The following F13A1 variants were observed in gnomAD, a reference collection of about 807,000 sequenced individuals.
F13A1 encodes the protein FSF, A subunit.
Under a neutral mutation model 80.1 loss-of-function variants are expected in F13A1, and 47 were observed. The ratio of observed to expected loss-of-function variants is 0.59; its 90% CI spans 0.46 to 0.75. F13A1 has a LOEUF of 0.75. Ranked by LOEUF, F13A1 falls within the 30% of genes least tolerant of loss-of-function variation. F13A1 has a pLI of 0.00. For synonymous variants in F13A1, 349 were observed against 344.9 expected (o/e 1.01, Z -0.13); for missense variants, 817 against 930.4 (o/e 0.88, Z 1.59).
intron 3 of F13A1, among the ~76,000 whole-genome samples, chr6:6,282,228 A>G (rs939882351): frequency 6.6e-6 from 1 of 152,154 alleles, no homozygotes; most frequent in African/African-American, 2.4e-5. Context: ...TTCTCCTTAG[A>G]TAAATGGTTA....
chr6:6,288,477 C>T (rs1420609804), intron 3 of F13A1, among the ~76,000 whole-genome samples: 1 of 152,172 alleles, frequency 6.6e-6, no homozygotes, highest in Non-Finnish European at 1.5e-5. Context: ...TCCAGTTCTA[C>T]CCTTGTTGAG....
intron 3 of F13A1, among the ~76,000 whole-genome samples, chr6:6,299,408 T>G (rs1371896500): frequency 2.4e-4 from 32 of 133,104 alleles, no homozygotes; most frequent in Non-Finnish European, 1.5e-5. Flanking sequence ...GATTTGGTCT[T>G]TTCACATAGT....
At chr6:6,264,086 T>A (rs2113120607) in intron 4 of F13A1, among the ~76,000 whole-genome samples, 1 of 152,334 alleles carries the variant, frequency 6.6e-6, no homozygotes, top group African/African-American at 2.4e-5. Context: ...ATCTGGAAGC[T>A]GCTCATCATG....
intron 3 of F13A1, 30 bp from the exon 4 acceptor site, chr6:6,266,839 A>C: frequency 6.2e-7 from 1 of 1,614,038 alleles, no homozygotes; most frequent in South Asian, 1.1e-5. Flanking sequence ...ATACTCTGTT[A>C]GGTTGATTTC....
chr6:6,151,657 G>GT (rs1294044581), intron 14 of F13A1, among the ~76,000 whole-genome samples, 156 bp downstream of exon 14: 1 of 152,138 alleles, frequency 6.6e-6, no homozygotes, highest in Admixed American at 6.6e-5. Flanking sequence ...ACCAACCCTA[G>GT]TTTTACTCCA....
At position 6,237,788 on chromosome 6, in the gene F13A1, T is replaced by C. The variant is rs140869482; in HGVS notation, c.798+10524A>G. Reference sequence around the variant, plus strand: ...AGAAGGAAGGAAGGCACTATGCTGTTTTGACTTTATATTCCCAGGGCTAGC... The same window carrying C: ...AGAAGGAAGGAAGGCACTATGCTGTCTTGACTTTATATTCCCAGGGCTAGC... On this transcript the variant is annotated intron_variant, in intron 6 of 14. Transcript: ENST00000264870. Among the ~76,000 whole-genome samples, 731 of 152,314 alleles carry C rather than the reference T, an allele frequency of 4.8e-3. 8 individuals are homozygous for C. Among genetic ancestry groups the C allele is most frequent in the African/African-American group, 0.016 (681 of 41,578 alleles).
intron 2 of F13A1, among the ~76,000 whole-genome samples, chr6:6,316,980 C>T (rs1452948084): frequency 6.6e-6 from 1 of 152,090 alleles, no homozygotes; most frequent in African/African-American, 2.4e-5. Context: ...TTTCCCAATC[C>T]TGGCAAGGGT....
At chr6:6,160,914 T>TCA (rs1401267415) in intron 13 of F13A1, among the ~76,000 whole-genome samples, 1 of 151,796 alleles carries the variant, frequency 6.6e-6, no homozygotes, top group Non-Finnish European at 1.5e-5. Context: ...ACTTTAAAAA[T>TCA]CACACACATA....
At chr6:6,159,965 G>A (rs1760543495) in intron 13 of F13A1, among the ~76,000 whole-genome samples, 2 of 152,026 alleles carry the variant, frequency 1.3e-5, no homozygotes, top group South Asian at 4.1e-4. Context: ...CCCCATTTCA[G>A]AAAAATGCAA....
At chr6:6,186,166 G>A (rs1405316817) in intron 10 of F13A1, among the ~76,000 whole-genome samples, 1 of 150,820 alleles carries the variant, frequency 6.6e-6, no homozygotes, top group East Asian at 2.0e-4. Context: ...CTCCCATTCT[G>A]TAGGTTGCCT....
chr6:6,180,725 C>G (rs1431474279), intron 11 of F13A1, among the ~76,000 whole-genome samples: 1 of 152,162 alleles, frequency 6.6e-6, no homozygotes, highest in Non-Finnish European at 1.5e-5. Flanking sequence ...TTAAAAAATA[C>G]AGTGAAAATT....
rs367878803 is a variant in F13A1 at position 6,150,848 on chromosome 6, G to GGA, written c.2045+963_2045+964dup. ...GAGTAGTGACAAATTGGAATGTGTG[G>GGA]GAGAGAGAGAGAGAGAGCTGAAACC... On this transcript the variant is annotated intron_variant, in intron 14 of 14. Coordinates refer to ENST00000264870, the MANE Select transcript of F13A1 (RefSeq NM_000129.4). 3.0e-3 allele frequency among the ~76,000 whole-genome samples: 451 copies of GGA among 151,058 alleles called. 9 individuals carry two copies. Among genetic ancestry groups the GGA allele is most frequent in the Admixed American group, 0.022 (337 of 15,158 alleles).
intron 8 of F13A1, among the ~76,000 whole-genome samples, chr6:6,218,551 G>T (rs969876279): frequency 2.0e-5 from 3 of 152,128 alleles, no homozygotes; most frequent in African/African-American, 7.2e-5. Context: ...TTGCTACCCT[G>T]GGATCTAATT....
chr6:6,234,932 A>G (rs1757395831), intron 6 of F13A1, among the ~76,000 whole-genome samples: 2 of 152,048 alleles, frequency 1.3e-5, no homozygotes, highest in South Asian at 4.1e-4. Context: ...ACCATTTGGT[A>G]TAAATACAAA....
intron 4 of F13A1, among the ~76,000 whole-genome samples, chr6:6,254,540 G>A (rs1757679074): frequency 6.6e-6 from 1 of 152,116 alleles, no homozygotes; most frequent in Non-Finnish European, 1.5e-5. Context: ...AATCTCTTTT[G>A]TGGTTTTAAA....
At chr6:6,300,070 G>C (rs576523003) in intron 3 of F13A1, among the ~76,000 whole-genome samples, 1 of 146,268 alleles carries the variant, frequency 6.8e-6, no homozygotes, top group Non-Finnish European at 1.5e-5. Context: ...TGGGGGTCAG[G>C]GGTCAGGGAC....
At chr6:6,262,549 G>T (rs1470869931) in intron 4 of F13A1, among the ~76,000 whole-genome samples, 1 of 152,146 alleles carries the variant, frequency 6.6e-6, no homozygotes, top group Non-Finnish European at 1.5e-5. Context: ...GTGCTAGTTT[G>T]CCCTGTGTTC....
intron 11 of F13A1, among the ~76,000 whole-genome samples, chr6:6,175,988 T>C (rs1231540919): frequency 6.6e-6 from 1 of 152,220 alleles, no homozygotes; most frequent in African/African-American, 2.4e-5. Context: ...TTACAGAGCC[T>C]TGGACAAAAG....
chr6:6,295,197 A>G (rs994531284), intron 3 of F13A1, among the ~76,000 whole-genome samples: 2 of 146,394 alleles, frequency 1.4e-5, no homozygotes, highest in Non-Finnish European at 3.0e-5. Flanking sequence ...TAATGCCGCA[A>G]TAAACATACG....
Sources: allele counts gnomAD v4.1 joint callset (sites outside exome capture counted in the v4.1 genomes callset), GRCh38; gene constraint gnomAD v4.1.1; transcripts MANE v1.5; gene names NCBI Gene and HGNC (gene_info 2026-07-23, HGNC 2026-07-21).